Variants in COPS2 observed in about 807,000 individuals in gnomAD.
The protein encoded by COPS2 is COP9 signalosome subunit 2.
Under a neutral mutation model 66.1 loss-of-function variants are expected in COPS2, and 10 were observed. The ratio of observed to expected loss-of-function variants is 0.15; its 90% confidence interval spans 0.09 to 0.26. The LOEUF (loss-of-function observed/expected upper bound fraction) is 0.26, where lower values mean the gene tolerates loss of function less well. Among genes scored for constraint, COPS2 ranks in the 10% least tolerant of loss-of-function variants. The pLI, the probability that COPS2 is intolerant of heterozygous loss-of-function variation, is 1.00. For missense variants in COPS2, 215 were observed against 513.3 expected (o/e 0.42, Z 5.62); for synonymous variants, 179 against 171.3 (o/e 1.04, Z -0.35).
intron 6 of COPS2, among the ~76,000 whole-genome samples, chr15:49,134,756 C>A (rs912899787): frequency 6.6e-6 from 1 of 152,076 alleles, no homozygotes; most frequent in African/African-American, 2.4e-5. Flanking sequence ...TTATAGTAGT[C>A]CTTCCTTATC....
intron 7 of COPS2, 47 bp from the exon 8 acceptor site, chr15:49,134,155 A>G (rs766344443): frequency 1.4e-5 from 21 of 1,525,676 alleles, no homozygotes; most frequent in Non-Finnish European, 1.8e-5. Flanking sequence ...CAGTTCTGTA[A>G]TAACAAAACT....
chr15:49,136,580 G>A (rs1351357227), intron 6 of COPS2, among the ~76,000 whole-genome samples: 3 of 152,072 alleles, frequency 2.0e-5, no homozygotes, highest in Admixed American at 6.6e-5. Context: ...TTTATTACAC[G>A]TTTGTAATAT....
In COPS2 at chr15:49,128,899, A is replaced by G; in HGVS notation, c.1129-139T>C. On this transcript the variant is annotated intron_variant, in intron 11 of 12. Transcript: ENST00000388901. ...AGATTTTTAAACATATTTCATTATC[A>G]CTTCAAAATATATCCGAGAACACAG... 5.3e-6 allele frequency: 3 copies of G among 569,370 alleles called. No homozygotes were observed. In the South Asian group the frequency reaches 8.0e-5, roughly 15 times the overall value. 35.3% of individuals were successfully genotyped at this position (569,370 alleles called of 1,614,324 possible).
chr15:49,152,551 G>T (rs1243842521), intron 1 of COPS2, among the ~76,000 whole-genome samples: 1 of 152,156 alleles, frequency 6.6e-6, no homozygotes, highest in African/African-American at 2.4e-5. Context: ...GCTGGTTGTG[G>T]TGACTAACAC....
chr15:49,149,431 C>G (rs938644712), intron 1 of COPS2, among the ~76,000 whole-genome samples: 2 of 152,182 alleles, frequency 1.3e-5, no homozygotes, highest in African/African-American at 4.8e-5. Flanking sequence ...TTTTTTTTCT[C>G]AGTCATGCTT....
At chr15:49,155,469 G>A in intron 1 of COPS2, 56 bp downstream of exon 1, 1 of 1,576,680 alleles carries the variant, frequency 6.3e-7, no homozygotes, top group Non-Finnish European at 8.7e-7. Context: ...GCCCCGGCCC[G>A]GACCCCGAAA....
chr15:49,136,943 C>T (rs948276517), intron 6 of COPS2, among the ~76,000 whole-genome samples: 3 of 151,728 alleles, frequency 2.0e-5, no homozygotes, highest in South Asian at 2.1e-4. Flanking sequence ...GAGCCAAGAT[C>T]GCACCACTGC....
In COPS2 at chr15:49,137,444, T is replaced by C. The variant is rs2141126991; in HGVS notation, c.373-7A>G. The C allele has an allele frequency of 1.9e-6, 3 of 1,603,396 alleles. No homozygotes were observed. The highest frequency in any genetic ancestry group is 2.2e-5 in the East Asian group (1 of 44,742). The stretch of plus-strand genomic sequence containing the variant: ...ATTCCTGCAGTAAATCCATCTGACA[T>C]AAAAAATCAGAATTCTATAATTGTA... On this transcript the variant is annotated splice_polypyrimidine_tract_variant and splice_region_variant and intron_variant, in intron 4 of 12. Coordinates refer to ENST00000388901, the MANE Select transcript of COPS2 (RefSeq NM_004236.4).
At chr15:49,154,029 A>G (rs1442248802) in intron 1 of COPS2, among the ~76,000 whole-genome samples, 1 of 152,194 alleles carries the variant, frequency 6.6e-6, no homozygotes, top group Non-Finnish European at 1.5e-5. Context: ...TCTAGAAGAG[A>G]TGACTTTAAA....
intron 1 of COPS2, among the ~76,000 whole-genome samples, chr15:49,149,064 G>A (rs2084340610): frequency 6.6e-6 from 1 of 152,084 alleles, no homozygotes; most frequent in Non-Finnish European, 1.5e-5. Flanking sequence ...AACAAATGAA[G>A]AGGTTAAGCA....
intron 6 of COPS2, among the ~76,000 whole-genome samples, chr15:49,135,085 A>T (rs1002025856): frequency 2.6e-5 from 4 of 152,228 alleles, no homozygotes; most frequent in Admixed American, 2.0e-4. Flanking sequence ...AAAATAGAAC[A>T]CATAACAATA....
chr15:49,136,111 A>G (rs2084249324), intron 6 of COPS2, among the ~76,000 whole-genome samples: 1 of 152,210 alleles, frequency 6.6e-6, no homozygotes, highest in Non-Finnish European at 1.5e-5. Context: ...TGATTCATTT[A>G]GAACAGTTTC....
rs2084169776 is a variant in COPS2, at chr15:49,126,672, T to C, written c.*1278A>G. ...GCTGAGTTCCTTTAAGGTAGTTACCTTGGAAGGCCACAGTTCATTCTCCTA... is the reference window on the plus strand; with the variant it reads ...GCTGAGTTCCTTTAAGGTAGTTACCCTGGAAGGCCACAGTTCATTCTCCTA... On this transcript the variant is annotated 3_prime_UTR_variant, in exon 13 of 13. Transcript: ENST00000388901. The C allele has an allele frequency of 6.6e-6, 1 of 152,142 alleles. No individual in the cohort carries two copies. The highest frequency in any genetic ancestry group is 6.5e-5 in the Admixed American group (1 of 15,270). 9.4% of individuals were successfully genotyped at this position (152,142 alleles called of 1,614,324 possible). A position where few individuals can be genotyped will look rare whatever the true frequency, so the allele number is the denominator to read the frequency against.
chr15:49,126,154 A>G lies in COPS2; in HGVS notation c.*1796T>C, dbSNP rs2084163998. Reference sequence around the variant, plus strand: ...TTAGCACACTTTTCACAAATGATTTATGTAAAAGAGAAAATACACATAATT... The same window carrying G: ...TTAGCACACTTTTCACAAATGATTTGTGTAAAAGAGAAAATACACATAATT... On this transcript the variant is annotated 3_prime_UTR_variant, in exon 13 of 13. Coordinates refer to ENST00000388901, the MANE Select transcript of COPS2 (RefSeq NM_004236.4). The G allele has an allele frequency of 6.6e-6, 1 of 152,452 alleles. No individual in the cohort carries two copies. The highest frequency in any genetic ancestry group is 3.2e-3 in the Middle Eastern group (1 of 316). 9.4% of individuals were successfully genotyped at this position (152,452 alleles called of 1,614,324 possible). A position where few individuals can be genotyped will look rare whatever the true frequency, so the allele number is the denominator to read the frequency against.
At chr15:49,145,381 T>A (rs2084314087) in intron 1 of COPS2, among the ~76,000 whole-genome samples, 1 of 152,206 alleles carries the variant, frequency 6.6e-6, no homozygotes, top group Non-Finnish European at 1.5e-5. Context: ...TATTGGTTAA[T>A]GACCCCAATT....
intron 1 of COPS2, among the ~76,000 whole-genome samples, chr15:49,145,656 T>G (rs527465852): frequency 6.6e-6 from 1 of 152,228 alleles, no homozygotes; most frequent in East Asian, 1.9e-4. Flanking sequence ...CTTAATCAGC[T>G]TTATAACAAA....
chr15:49,154,945 T>G (rs938806698), intron 1 of COPS2, among the ~76,000 whole-genome samples: 1 of 152,128 alleles, frequency 6.6e-6, no homozygotes, highest in African/African-American at 2.4e-5. Flanking sequence ...TTTTTTTCAG[T>G]TATCTTTGCT....
intron 6 of COPS2, among the ~76,000 whole-genome samples, chr15:49,136,429 T>C (rs1012447180): frequency 1.3e-5 from 2 of 152,170 alleles, no homozygotes; most frequent in Non-Finnish European, 2.9e-5. Context: ...TCTGTCACAA[T>C]AGCCATACTT....
chr15:49,133,707 C>T (rs568595171), intron 9 of COPS2, 52 bp downstream of exon 9: 161 of 1,303,022 alleles, frequency 1.2e-4, no homozygotes, highest in African/African-American at 6.7e-4. Flanking sequence ...TCACTCTTTC[C>T]TTTATGAACT....
Sources: allele counts gnomAD v4.1 joint callset (sites outside exome capture counted in the v4.1 genomes callset), GRCh38; gene constraint gnomAD v4.1.1; transcripts MANE v1.5; gene names NCBI Gene and HGNC (gene_info 2026-07-23, HGNC 2026-07-21).